The following PCDHA7 variants were observed in gnomAD, a reference collection of about 807,000 sequenced individuals.
PCDHA7 encodes protocadherin alpha 7.
PCDHA7 carries 37 observed loss-of-function variants against 57.2 expected under a neutral mutation model. That is an observed-to-expected ratio of 0.65 (90% confidence interval 0.50 to 0.85). The LOEUF is 0.85. Among genes scored for constraint, PCDHA7 ranks in the 40% least tolerant of loss-of-function variants. The pLI is 0.00. For missense variants in PCDHA7, 1,188 were observed against 1,241.8 expected (o/e 0.96, Z 0.65); for synonymous variants, 553 against 558.8 (o/e 0.99, Z 0.15).
chr5:140,882,265 T>A (rs782012488), intron 1 of PCDHA7: 2 of 1,609,948 alleles, frequency 1.2e-6, no homozygotes, highest in African/African-American at 2.7e-5. Flanking sequence ...TTTTGGAGTG[T>A]ACCATGCTGT....
At chr5:140,862,837 A>T (rs1562571150) in intron 1 of PCDHA7, 1 of 575,832 alleles carries the variant, frequency 1.7e-6, no homozygotes, top group African/African-American at 1.9e-5. Context: ...CGACGCGGGC[A>T]TGCCGCCTCT....
chr5:140,964,596 G>A (rs1368654948), intron 1 of PCDHA7, among the ~76,000 whole-genome samples: 2 of 152,104 alleles, frequency 1.3e-5, no homozygotes, highest in African/African-American at 4.8e-5. Flanking sequence ...CACTTTTCAT[G>A]ACAACTTACA....
At chr5:140,843,844 A>T in intron 1 of PCDHA7, 1 of 1,001,286 alleles carries the variant, frequency 1.0e-6, no homozygotes, top group Non-Finnish European at 1.5e-6. Flanking sequence ...GTTTTTAGAA[A>T]CCTTTTATAA....
At chr5:140,895,843 C>G (rs574376494) in intron 1 of PCDHA7, among the ~76,000 whole-genome samples, 1 of 152,232 alleles carries the variant, frequency 6.6e-6, no homozygotes, top group East Asian at 1.9e-4. Context: ...CAAAGTCTCA[C>G]TCTTGTACCC....
intron 1 of PCDHA7, among the ~76,000 whole-genome samples, chr5:140,949,674 C>G (rs2153687219): frequency 6.6e-6 from 1 of 151,738 alleles, no homozygotes; most frequent in South Asian, 2.1e-4. Context: ...AAAGTATGCC[C>G]TTGTTGAAGC....
At chr5:140,871,376 G>A in intron 1 of PCDHA7, 2 of 1,614,196 alleles carry the variant, frequency 1.2e-6, no homozygotes, top group Non-Finnish European at 1.7e-6. Flanking sequence ...CAGAGGGTGT[G>A]CTCTGAGGAG....
chr5:140,899,675 C>T lies in PCDHA7; in HGVS notation c.2355+62937C>T, dbSNP rs569711192. On this transcript the variant is annotated intron_variant, in intron 1 of 3. Coordinates refer to ENST00000525929, the MANE Select transcript of PCDHA7 (RefSeq NM_018910.3). The stretch of plus-strand genomic sequence containing the variant: ...TTGTGTCTCTGCCCGGCTTTGGTAT[C>T]AGGATGATGCTGGCCTCATAAAATG... Among the ~76,000 whole-genome samples the T allele has an allele frequency of 4.6e-3, 702 of 152,296 alleles. 3 individuals are homozygous for T. The highest frequency in any genetic ancestry group is 0.016 in the African/African-American group (679 of 41,556).
intron 1 of PCDHA7, among the ~76,000 whole-genome samples, chr5:140,920,661 T>C (rs1301918138): frequency 3.9e-5 from 6 of 152,042 alleles, no homozygotes; most frequent in African/African-American, 1.4e-4. Flanking sequence ...CTTGCCAACA[T>C]GGTGAAACCC....
intron 1 of PCDHA7, chr5:140,883,245 G>C: frequency 6.2e-7 from 1 of 1,614,016 alleles, no homozygotes; most frequent in South Asian, 1.1e-5. Context: ...GTTGACAAAG[G>C]AAATATTCCA....
chr5:140,836,271 G>A lies in PCDHA7; in HGVS notation c.1888G>A (p.Glu630Lys). 1.9e-6 allele frequency: 3 copies of A among 1,613,806 alleles called. No homozygotes were observed. Among genetic ancestry groups the A allele is most frequent in the Non-Finnish European group, 2.5e-6 (3 of 1,179,822 alleles). Reference sequence around the variant, plus strand: ...GTTCCGCGTGGGGCTGTACACTGGTGAGATCAGCACGACACGAGCCCTAGA... The same window carrying A: ...GTTCCGCGTGGGGCTGTACACTGGTAAGATCAGCACGACACGAGCCCTAGA... ...IPFRVGLYTG[E>K]ISTTRALDET... Residue 630 changes from glutamate (E) to lysine (K), a missense_variant, in exon 1 of 4, where the codon GAG becomes AAG. Physicochemically the swap from Glu to Lys is moderately conservative, Grantham distance 56. Transcript: ENST00000525929.
At chr5:140,884,456 G>T in intron 1 of PCDHA7, 2 of 1,613,768 alleles carry the variant, frequency 1.2e-6, no homozygotes, top group Non-Finnish European at 1.7e-6. Context: ...GCCCACCGAG[G>T]GCGCGTGCGC....
At chr5:140,968,394 G>A (rs782388354) in intron 1 of PCDHA7, 3 of 1,613,942 alleles carry the variant, frequency 1.9e-6, no homozygotes, top group Admixed American at 3.3e-5. Context: ...GAGAAGTTTC[G>A]GGAGTTCTTT....
At chr5:140,903,873 A>G (rs1173905704) in intron 1 of PCDHA7, among the ~76,000 whole-genome samples, 2 of 152,204 alleles carry the variant, frequency 1.3e-5, no homozygotes, top group Non-Finnish European at 2.9e-5. Context: ...GTAAAATGAC[A>G]AAGACATTGA....
At chr5:140,877,269 T>A in intron 1 of PCDHA7, 1 of 1,613,758 alleles carries the variant, frequency 6.2e-7, no homozygotes. Flanking sequence ...CGGTGGACGC[T>A]GACTCCGGCT....
intron 3 of PCDHA7, among the ~76,000 whole-genome samples, chr5:140,999,602 G>A (rs150839481): frequency 5.1e-4 from 78 of 152,202 alleles, no homozygotes; most frequent in African/African-American, 1.9e-3. Flanking sequence ...CTACATCCTG[G>A]GGGACCTTAT....
intron 1 of PCDHA7, among the ~76,000 whole-genome samples, chr5:140,950,741 C>A (rs149114023): frequency 1.3e-5 from 2 of 152,006 alleles, no homozygotes; most frequent in African/African-American, 4.8e-5. Flanking sequence ...ATCCTAATTT[C>A]TCTCTATCCT....
intron 1 of PCDHA7, among the ~76,000 whole-genome samples, chr5:140,977,826 T>C (rs1554238818): frequency 1.3e-5 from 2 of 152,208 alleles, no homozygotes; most frequent in Admixed American, 6.5e-5. Flanking sequence ...TTTTGAATGG[T>C]CTATTGATAT....
At chr5:140,879,876 A>G (rs1326051828) in intron 1 of PCDHA7, among the ~76,000 whole-genome samples, 1 of 152,126 alleles carries the variant, frequency 6.6e-6, no homozygotes, top group Non-Finnish European at 1.5e-5. Flanking sequence ...TCATGGTCAC[A>G]TTGCCTCCTC....
intron 1 of PCDHA7, among the ~76,000 whole-genome samples, chr5:140,910,213 G>A (rs1375224674): frequency 6.6e-6 from 1 of 152,170 alleles, no homozygotes; most frequent in South Asian, 2.1e-4. Context: ...TGACCTGGAA[G>A]TTTTCTGCTT....
Sources: gnomAD v4.1 joint callset for allele counts (sites outside exome capture counted in the v4.1 genomes callset) on GRCh38, gnomAD v4.1.1 for gene constraint, MANE v1.5 for transcripts, NCBI Gene and HGNC (gene_info 2026-07-23, HGNC 2026-07-21) for gene names.